Variants in CDH4 observed in about 807,000 individuals in gnomAD.
CDH4 encodes cadherin 4, also known as cadherin-4.
CDH4 carries 33 observed loss-of-function variants against 86.0 expected under a neutral mutation model. The observed-to-expected ratio is 0.38, with a 90% CI of 0.29 to 0.51. The LOEUF (loss-of-function observed/expected upper bound fraction) is 0.51. Among genes scored for constraint, CDH4 ranks in the 20% least tolerant of loss-of-function variants. CDH4 has a pLI of 0.86. For missense variants in CDH4, 1,114 were observed against 1,307.4 expected, an observed-to-expected ratio of 0.85 and a Z score of 2.28; for synonymous variants, 555 against 549.4, an observed-to-expected ratio of 1.01 and a Z score of -0.14.
At chr20:61,935,532 T>C (rs2055172993) in intron 15 of CDH4, among the ~76,000 whole-genome samples, 1 of 152,184 alleles carries the variant, frequency 6.6e-6, no homozygotes, top group Non-Finnish European at 1.5e-5. Flanking sequence ...CCAAGGCAGG[T>C]GGATCACCTG....
At chr20:61,710,545 G>A (rs960862906) in intron 2 of CDH4, among the ~76,000 whole-genome samples, 4 of 152,234 alleles carry the variant, frequency 2.6e-5, no homozygotes, top group Admixed American at 6.5e-5. Context: ...AGCAATGTGC[G>A]TTGATGAAAA....
intron 6 of CDH4, among the ~76,000 whole-genome samples, chr20:61,872,503 G>C (rs541703040): frequency 6.6e-6 from 1 of 152,028 alleles, no homozygotes; most frequent in Non-Finnish European, 1.5e-5. Context: ...CTGCCACCCC[G>C]CACCTGGCCC....
chr20:61,874,451 C>T (rs768931542), intron 7 of CDH4, among the ~76,000 whole-genome samples: 2 of 152,198 alleles, frequency 1.3e-5, no homozygotes, highest in African/African-American at 2.4e-5. Context: ...CACTGTCCTG[C>T]GGTCCTACGA....
intron 4 of CDH4, among the ~76,000 whole-genome samples, chr20:61,793,837 TAAA>T (rs377261591): frequency 1.4e-4 from 15 of 104,094 alleles, no homozygotes; most frequent in Admixed American, 2.1e-4. Context: ...AGACTGCATT[TAAA>T]AAAAAAAAAA....
chr20:61,400,394 T>C (rs536497072), intron 2 of CDH4, among the ~76,000 whole-genome samples: 2 of 152,308 alleles, frequency 1.3e-5, no homozygotes, highest in South Asian at 4.1e-4. Context: ...GATGCTGCAC[T>C]GGGGGTAGCT....
rs1213996424 is a variant in CDH4 at position 61,902,560 on chromosome 20, G to A, written c.1188+7513G>A. On this transcript the variant is annotated intron_variant, in intron 8 of 15. Coordinates refer to ENST00000614565, the MANE Select transcript of CDH4 (RefSeq NM_001794.5). This position sits in a 1 kb window ranked among gnomAD's most constrained non-coding sequence, Gnocchi z 4.6. Reference sequence around the variant, plus strand: ...TTCTTGAATGGTCTGGAGAGTAAATGTTTGCGCTTTGGCTGCCGGAAGGTC... The same window carrying A: ...TTCTTGAATGGTCTGGAGAGTAAATATTTGCGCTTTGGCTGCCGGAAGGTC... Among the ~76,000 whole-genome samples, 1 of 152,250 alleles carries A rather than the reference G, an allele frequency of 6.6e-6. No individual in the cohort carries two copies. Among genetic ancestry groups the A allele is most frequent in the African/African-American group, 2.4e-5 (1 of 41,458 alleles).
chr20:61,369,229 G>A (rs2084826566), intron 2 of CDH4, among the ~76,000 whole-genome samples: 1 of 151,956 alleles, frequency 6.6e-6, no homozygotes, highest in Admixed American at 6.6e-5. Flanking sequence ...GAGGCGGGCA[G>A]ATCATGAGTT....
chr20:61,874,640 C>T (rs1358312328), intron 7 of CDH4, among the ~76,000 whole-genome samples: 1 of 152,194 alleles, frequency 6.6e-6, no homozygotes, highest in Admixed American at 6.5e-5. Context: ...GAAGATTCAC[C>T]ACCCGCCCCT....
intron 2 of CDH4, among the ~76,000 whole-genome samples, chr20:61,650,460 C>A (rs1028808337): frequency 6.6e-6 from 1 of 152,166 alleles, no homozygotes; most frequent in Non-Finnish European, 1.5e-5. Context: ...ATATGTACTG[C>A]GTATCTGGAA....
chr20:61,599,809 G>GC (rs926086608), intron 2 of CDH4: 9 of 985,576 alleles, frequency 9.1e-6, no homozygotes, highest in African/African-American at 1.7e-5. Context: ...TAATGATGCT[G>GC]CCCCTTTCCT....
At chr20:61,662,634 CA>C (rs2087272200) in intron 2 of CDH4, among the ~76,000 whole-genome samples, 1 of 152,312 alleles carries the variant, frequency 6.6e-6, no homozygotes, top group East Asian at 1.9e-4. Context: ...CGCAGGGCGT[CA>C]AGTGCACTCA....
chr20:61,459,366 A>G (rs1186395491), intron 2 of CDH4, among the ~76,000 whole-genome samples: 1 of 151,920 alleles, frequency 6.6e-6, no homozygotes, highest in Non-Finnish European at 1.5e-5. Context: ...AATGGGCATG[A>G]TGGAGCAATG....
chr20:61,828,507 T>C (rs1482118283), intron 4 of CDH4, among the ~76,000 whole-genome samples: 1 of 152,244 alleles, frequency 6.6e-6, no homozygotes, highest in Non-Finnish European at 1.5e-5. Flanking sequence ...GAGGAACCTC[T>C]AAATTCAAGG....
At chr20:61,324,640 A>G (rs1002244020) in intron 2 of CDH4, among the ~76,000 whole-genome samples, 1 of 152,164 alleles carries the variant, frequency 6.6e-6, no homozygotes, top group Admixed American at 6.5e-5. Context: ...GAACTCATCT[A>G]ATTTGTACCC....
Position 61,773,189 on chromosome 20 carries a change from G to A in CDH4, c.576+7G>A. 6.5e-7 allele frequency: 1 copy of A among 1,539,058 alleles called. No homozygotes were observed. Among genetic ancestry groups the A allele is most frequent in the South Asian group, 1.2e-5 (1 of 84,088 alleles). On this transcript the variant is annotated splice_region_variant and intron_variant, in intron 4 of 15. Coordinates refer to ENST00000614565, the MANE Select transcript of CDH4 (RefSeq NM_001794.5). ...CCCGCAGCAGCTCGTGAGGGTGAGT[G>A]CAGACCCCTCCCGCGGGCACGGGGG... is the stretch of plus-strand genomic sequence containing the variant.
chr20:61,652,938 A>ATTTTTTTATTTTTTAT (rs1555819717), intron 2 of CDH4, among the ~76,000 whole-genome samples: 36 of 97,436 alleles, frequency 3.7e-4, no homozygotes, highest in African/African-American at 1.2e-3. Context: ...TTATTTATTT[A>ATTTTTTTATTTTTTAT]TTTTTTTTTT....
rs10541512 is a variant in CDH4, at chr20:61,797,083, G to GC, written c.576+23914dup. 6.1e-3 allele frequency among the ~76,000 whole-genome samples: 899 copies of GC among 148,082 alleles called. 7 individuals are homozygous for GC. Among genetic ancestry groups the GC allele is most frequent in the African/African-American group, 0.014 (558 of 40,528 alleles). ...CTCTCTGAAGGCTGGGACAGGAAGAGCCCCCCCCCCCCCAACACTGGCCAG... is the reference window on the plus strand; with the variant it reads ...CTCTCTGAAGGCTGGGACAGGAAGAGCCCCCCCCCCCCCCAACACTGGCCAG... On this transcript the variant is annotated intron_variant, in intron 4 of 15. Transcript: ENST00000614565.
At chr20:61,412,180 A>G (rs2085123182) in intron 2 of CDH4, among the ~76,000 whole-genome samples, 1 of 152,228 alleles carries the variant, frequency 6.6e-6, no homozygotes, top group Admixed American at 6.5e-5. Context: ...TCTGCCCTTC[A>G]GTCTAGTCTG....
At chr20:61,864,617 C>A (rs1351294061) in intron 6 of CDH4, among the ~76,000 whole-genome samples, 1 of 152,196 alleles carries the variant, frequency 6.6e-6, no homozygotes, top group African/African-American at 2.4e-5. Flanking sequence ...AGGTCAGAGG[C>A]ACCGCAGCTC....
Sources: gnomAD v4.1 joint callset for allele counts (sites outside exome capture counted in the v4.1 genomes callset) on GRCh38, gnomAD v4.1.1 for gene constraint, Gnocchi (gnomAD v3.1) non-coding constraint, MANE v1.5 for transcripts, NCBI Gene and HGNC (gene_info 2026-07-23, HGNC 2026-07-21) for gene names.